The following PDE1C variants were observed in gnomAD, a reference collection of about 807,000 sequenced individuals.
PDE1C encodes the protein phosphodiesterase 1C.
Under a neutral mutation model 93.1 loss-of-function variants are expected in PDE1C, and 62 were observed. That is an observed-to-expected ratio of 0.67 (90% CI 0.54 to 0.82). The LOEUF is 0.82. Among genes scored for constraint, PDE1C ranks in the 40% least tolerant of loss-of-function variants. PDE1C has a pLI of 0.00. For missense variants in PDE1C, 742 were observed against 884.6 expected, an observed-to-expected ratio of 0.84 and a Z score of 2.04; for synonymous variants, 325 against 310.1, an observed-to-expected ratio of 1.05 and a Z score of -0.50.
chr7:31,814,107 T>C (rs1787915070), intron 15 of PDE1C, among the ~76,000 whole-genome samples: 1 of 149,818 alleles, frequency 6.7e-6, no homozygotes, highest in African/African-American at 2.5e-5. Flanking sequence ...CACACATATA[T>C]CACAATTTCT....
intron 2 of PDE1C, among the ~76,000 whole-genome samples, chr7:32,050,169 C>T (rs1348321080): frequency 6.6e-6 from 1 of 152,186 alleles, no homozygotes; most frequent in Non-Finnish European, 1.5e-5. Context: ...AATTTTTTAG[C>T]ACCATTATAA....
the PDE1C span, among the ~76,000 whole-genome samples, chr7:31,635,907 T>G: frequency 6.6e-6 from 1 of 151,964 alleles, no homozygotes; most frequent in Non-Finnish European, 1.5e-5. Context: ...AACCTGCACA[T>G]CCTGCACACA....
At chr7:31,872,366 T>C (rs544381769) in intron 6 of PDE1C, among the ~76,000 whole-genome samples, 27 of 152,148 alleles carry the variant, frequency 1.8e-4, no homozygotes, top group Middle Eastern at 6.8e-3. Context: ...CATTTCAAAA[T>C]AGCTAGAAGA....
intron 1 of PDE1C, among the ~76,000 whole-genome samples, chr7:32,058,231 C>T (rs1464920096): frequency 6.6e-6 from 1 of 152,188 alleles, no homozygotes; most frequent in Admixed American, 6.5e-5. Flanking sequence ...ATCCTGTCTC[C>T]ATTCTTTTCT....
chr7:32,282,454 G>A (rs1297256256), intron 1 of PDE1C, among the ~76,000 whole-genome samples: 1 of 7,394 alleles, frequency 1.4e-4, no homozygotes, highest in Non-Finnish European at 5.3e-4. Context: ...CTCCAGCCTG[G>A]GCAACAAAGG....
intron 2 of PDE1C, among the ~76,000 whole-genome samples, chr7:32,209,264 G>A (rs1232233742): frequency 7.9e-5 from 12 of 152,310 alleles, no homozygotes; most frequent in Non-Finnish European, 1.5e-5. Flanking sequence ...AATAGCAAAG[G>A]CTTAGAGCAC....
chr7:31,795,773 T>G (rs527688489), intron 16 of PDE1C, among the ~76,000 whole-genome samples: 8 of 151,774 alleles, frequency 5.3e-5, no homozygotes, highest in Non-Finnish European at 1.2e-4. Context: ...TCTCATATAA[T>G]ATATAATATA....
the PDE1C span, among the ~76,000 whole-genome samples, chr7:31,701,197 T>C: frequency 8.5e-5 from 13 of 152,234 alleles, no homozygotes; most frequent in Non-Finnish European, 1.9e-4. Flanking sequence ...ATTAAGAACA[T>C]TTGTGACTCA....
Position 31,815,883 on chromosome 7 carries a change from A to G in PDE1C, c.1813+41T>C. 3 of 1,417,792 alleles carry G rather than the reference A, an allele frequency of 2.1e-6. No homozygotes were observed. The South Asian group carries it at 3.4e-5, about 16-fold the overall frequency. 87.8% of individuals were successfully genotyped at this position (1,417,792 alleles called of 1,614,324 possible). On this transcript the variant is annotated intron_variant, in intron 15 of 17. Coordinates refer to ENST00000396191, the MANE Select transcript of PDE1C (RefSeq NM_001191057.4). ...CCAGTTTCCATTCATTATGTCATTA[A>G]TGCCGCGAAAAGAGCCCTTCACCAG...
chr7:31,832,016 G>A (rs1790477611), intron 11 of PDE1C, among the ~76,000 whole-genome samples: 1 of 152,096 alleles, frequency 6.6e-6, no homozygotes, highest in South Asian at 2.1e-4. Context: ...ATTGAAAAGG[G>A]AAGAAAACTA....
intron 3 of PDE1C, among the ~76,000 whole-genome samples, chr7:32,098,149 G>C (rs1034495305): frequency 2.1e-5 from 3 of 142,664 alleles, no homozygotes; most frequent in Admixed American, 7.0e-5. Flanking sequence ...AGAATGGCGT[G>C]AACCCGGGAG....
At chr7:32,296,634 A>C (rs2128899933) in intron 1 of PDE1C, among the ~76,000 whole-genome samples, 1 of 152,296 alleles carries the variant, frequency 6.6e-6, no homozygotes, top group South Asian at 2.1e-4. Context: ...TTCTAACAGA[A>C]AGGGAAAATG....
chr7:32,311,905 G>C (rs1390520282), intron 1 of PDE1C, among the ~76,000 whole-genome samples: 1 of 151,924 alleles, frequency 6.6e-6, no homozygotes, highest in Non-Finnish European at 1.5e-5. Context: ...TTCTGGCCAG[G>C]GCAATTAGGC....
chr7:31,809,897 T>C (rs1787341702), intron 15 of PDE1C, among the ~76,000 whole-genome samples: 1 of 152,112 alleles, frequency 6.6e-6, no homozygotes, highest in Admixed American at 6.6e-5. Flanking sequence ...CACAGTCATG[T>C]TCTTCAAGAG....
At chr7:31,821,556 C>T (rs62455960) in intron 14 of PDE1C, among the ~76,000 whole-genome samples, 1 of 152,160 alleles carries the variant, frequency 6.6e-6, no homozygotes, top group African/African-American at 2.4e-5. Flanking sequence ...TGCCTGCCAA[C>T]AGGGAAGATT....
chr7:32,120,586 A>G (rs1271638432), intron 3 of PDE1C, among the ~76,000 whole-genome samples: 1 of 152,090 alleles, frequency 6.6e-6, no homozygotes, highest in East Asian at 1.9e-4. Context: ...ACAGGGGTGA[A>G]CCAGATGAAT....
intron 2 of PDE1C, among the ~76,000 whole-genome samples, chr7:32,020,776 G>C (rs1788555357): frequency 6.6e-6 from 1 of 152,088 alleles, no homozygotes; most frequent in South Asian, 2.1e-4. Flanking sequence ...TTACTCTGGG[G>C]AGCAAATCAA....
intron 1 of PDE1C, among the ~76,000 whole-genome samples, chr7:32,231,141 G>A (rs1807662637): frequency 6.6e-6 from 1 of 152,152 alleles, no homozygotes; most frequent in African/African-American, 2.4e-5. Context: ...TCATAACATA[G>A]AAGTCACTCT....
intron 16 of PDE1C, among the ~76,000 whole-genome samples, chr7:31,807,380 T>C (rs1786985296): frequency 6.6e-6 from 1 of 151,880 alleles, no homozygotes; most frequent in Non-Finnish European, 1.5e-5. Context: ...CAATAGAACA[T>C]AAAATCTATT....
Sources: allele counts gnomAD v4.1 joint callset (sites outside exome capture counted in the v4.1 genomes callset), GRCh38; gene constraint gnomAD v4.1.1; transcripts MANE v1.5; gene names NCBI Gene and HGNC (gene_info 2026-07-23, HGNC 2026-07-21).